CEP128: variants seen among roughly 807,000 people sequenced by gnomAD.
The protein encoded by CEP128 is centrosomal protein 128kDa.
In CEP128, 132 loss-of-function variants were observed where a neutral mutation model predicts 156.7. That is an observed-to-expected ratio of 0.84 (90% CI 0.73 to 0.97). CEP128 has a LOEUF of 0.97. Ranked by LOEUF, CEP128 falls within the 50% of genes least tolerant of loss-of-function variation. The probability of loss-of-function intolerance (pLI) is 0.00; values close to 1 mark genes in which losing one functional copy is unlikely to be tolerated. For synonymous variants in CEP128, 469 were observed against 448.9 expected (o/e 1.04, Z -0.57); for missense variants, 1,252 against 1,281.9 (o/e 0.98, Z 0.36).
intron 18 of CEP128, among the ~76,000 whole-genome samples, chr14:80,744,610 C>T (rs1284144464): frequency 6.6e-6 from 1 of 152,172 alleles, no homozygotes; most frequent in African/African-American, 2.4e-5. Flanking sequence ...AACTGACTCC[C>T]TCCTTCTACC....
At chr14:80,509,668 G>C (rs959419810) in intron 23 of CEP128, among the ~76,000 whole-genome samples, 2 of 152,076 alleles carry the variant, frequency 1.3e-5, no homozygotes, top group African/African-American at 4.8e-5. Context: ...TCCAGCTTTG[G>C]TTGCCTGTAC....
chr14:80,518,863 T>C (rs1888610496), intron 23 of CEP128, among the ~76,000 whole-genome samples: 1 of 152,184 alleles, frequency 6.6e-6, no homozygotes, highest in Non-Finnish European at 1.5e-5. Context: ...CCTAAAAGAC[T>C]ACCCTAAAAT....
rs181087333 is a variant in CEP128, at chr14:80,711,063, T to G, written c.2806+32012A>C. On this transcript the variant is annotated intron_variant, in intron 19 of 24. Transcript: ENST00000555265. ...AAACAAAGCAGCTTTTTGGCTTATA[T>G]GAGAAGCTATCTAATTTTGTTTGTT... is the stretch of plus-strand genomic sequence containing the variant. Among the ~76,000 whole-genome samples, 7 of 152,300 alleles carry G rather than the reference T, an allele frequency of 4.6e-5. No individual in the cohort carries two copies. The East Asian group carries it at 1.3e-3, about 29-fold the overall frequency.
At chr14:80,842,678 G>C (rs1886400372) in intron 9 of CEP128, among the ~76,000 whole-genome samples, 1 of 151,340 alleles carries the variant, frequency 6.6e-6, no homozygotes, top group African/African-American at 2.4e-5. Flanking sequence ...TTTTCCATTT[G>C]ACTTAAATCA....
At chr14:80,680,657 A>G (rs1896284117) in intron 19 of CEP128, among the ~76,000 whole-genome samples, 1 of 152,150 alleles carries the variant, frequency 6.6e-6, no homozygotes, top group South Asian at 2.1e-4. Flanking sequence ...ACCCACATGT[A>G]TCTCCAAGAA....
intron 1 of CEP128, among the ~76,000 whole-genome samples, chr14:80,940,521 T>G (rs2139632951): frequency 6.6e-6 from 1 of 152,218 alleles, no homozygotes; most frequent in South Asian, 2.1e-4. Context: ...ATATTTTTTT[T>G]TTTAATGTAC....
upstream of CEP128, among the ~76,000 whole-genome samples, chr14:80,944,459 G>T (rs1053352327): frequency 3.3e-5 from 5 of 152,138 alleles, no homozygotes; most frequent in Non-Finnish European, 7.4e-5. Flanking sequence ...GGATGTGTTT[G>T]CTACCCCTTC....
At chr14:80,955,373 G>A in intron 2 of CEP128, 1 of 502,180 alleles carries the variant, frequency 2.0e-6, no homozygotes, top group Non-Finnish European at 3.6e-6. Flanking sequence ...CTGGAAAACA[G>A]AGGGGACAGC....
At chr14:80,816,267 CCT>C (rs145700301) in intron 13 of CEP128, among the ~76,000 whole-genome samples, 5,837 of 152,210 alleles carry the variant, frequency 0.038, 383 homozygotes, top group African/African-American at 0.13. Flanking sequence ...GACACAGTTT[CCT>C]CTCACCCTTG....
intron 19 of CEP128, among the ~76,000 whole-genome samples, chr14:80,655,387 T>C (rs540949110): frequency 4.6e-5 from 7 of 152,320 alleles, no homozygotes; most frequent in Admixed American, 4.6e-4. Flanking sequence ...GCAGAATCCT[T>C]AGCTACATGA....
chr14:80,560,224 G>C (rs566363873), intron 20 of CEP128, among the ~76,000 whole-genome samples: 52 of 152,066 alleles, frequency 3.4e-4, no homozygotes, highest in Admixed American at 5.9e-4. Flanking sequence ...CCAGGAGTTC[G>C]AGACCAGCCT....
intron 6 of CEP128, among the ~76,000 whole-genome samples, chr14:80,901,825 A>G (rs1883578765): frequency 6.6e-6 from 1 of 152,210 alleles, no homozygotes; most frequent in East Asian, 1.9e-4. Context: ...TCCAGAACAC[A>G]GTAACATCCT....
At chr14:80,600,439 G>A (rs1440088498) in intron 19 of CEP128, among the ~76,000 whole-genome samples, 2 of 152,116 alleles carry the variant, frequency 1.3e-5, no homozygotes, top group African/African-American at 4.8e-5. Flanking sequence ...ATCAAGGCTA[G>A]AAGGCAGTGG....
chr14:80,871,520 GA>G (rs1166750789), intron 8 of CEP128, among the ~76,000 whole-genome samples: 2 of 152,062 alleles, frequency 1.3e-5, no homozygotes, highest in African/African-American at 2.4e-5. Context: ...CTGAGACAGT[GA>G]AGACCAAAGT....
chr14:80,694,861 A>T (rs1160966508), intron 19 of CEP128, among the ~76,000 whole-genome samples: 1 of 151,834 alleles, frequency 6.6e-6, no homozygotes, highest in African/African-American at 2.4e-5. Context: ...GCACACGTAT[A>T]CCTATGTAAC....
At chr14:80,543,503 A>G (rs1889855444) in intron 21 of CEP128, among the ~76,000 whole-genome samples, 1 of 152,362 alleles carries the variant, frequency 6.6e-6, no homozygotes, top group Admixed American at 6.5e-5. Flanking sequence ...AAGTATTAAG[A>G]GGGTACATAT....
intron 13 of CEP128, among the ~76,000 whole-genome samples, chr14:80,818,256 C>T (rs558244366): frequency 2.0e-5 from 3 of 152,204 alleles, no homozygotes; most frequent in East Asian, 1.9e-4. Flanking sequence ...TGGACTCAAG[C>T]GATCCTCCCA....
intron 20 of CEP128, among the ~76,000 whole-genome samples, chr14:80,575,071 T>A (rs1891300768): frequency 1.3e-5 from 2 of 149,758 alleles, no homozygotes; most frequent in African/African-American, 4.9e-5. Flanking sequence ...ATTGTACATA[T>A]TTTTATATAT....
At chr14:80,653,130 T>C (rs1894980336) in intron 19 of CEP128, among the ~76,000 whole-genome samples, 1 of 151,412 alleles carries the variant, frequency 6.6e-6, no homozygotes, top group South Asian at 2.1e-4. Context: ...TAAGTGGGAG[T>C]TGAACAATGA....
Sources: gnomAD v4.1 joint callset for allele counts (sites outside exome capture counted in the v4.1 genomes callset) on GRCh38, gnomAD v4.1.1 for gene constraint, MANE v1.5 for transcripts, NCBI Gene and HGNC (gene_info 2026-07-23, HGNC 2026-07-21) for gene names.